KALRN: variants seen among roughly 807,000 people sequenced by gnomAD.
KALRN encodes the protein kalirin RhoGEF kinase.
A neutral mutation model predicts 353.7 loss-of-function variants in KALRN; 70 were observed. The ratio of observed to expected loss-of-function variants is 0.20; its 90% CI spans 0.16 to 0.24. The LOEUF is 0.24. KALRN is among the 10% of genes least tolerant of loss of function. KALRN has a pLI of 1.00. For synonymous variants in KALRN, 1,391 were observed against 1,434.8 expected (o/e 0.97, Z 0.69); for missense variants, 2,791 against 3,756.7 (o/e 0.74, Z 6.72).
At chr3:124,147,362 G>T (rs991248919) in intron 1 of KALRN, among the ~76,000 whole-genome samples, 6 of 152,090 alleles carry the variant, frequency 3.9e-5, no homozygotes, top group African/African-American at 1.4e-4. Context: ...TGCCTCCTAG[G>T]GAGAGACAGA....
intron 13 of KALRN, 97 bp from the exon 14 acceptor site, chr3:124,413,373 G>C: frequency 1.0e-6 from 1 of 957,312 alleles, no homozygotes; most frequent in South Asian, 1.7e-5. Context: ...TTAACTGAGG[G>C]GTGGATTCAT....
intron 1 of KALRN, among the ~76,000 whole-genome samples, chr3:124,187,976 A>C (rs2074427091): frequency 6.6e-6 from 1 of 152,190 alleles, no homozygotes; most frequent in Non-Finnish European, 1.5e-5. Flanking sequence ...CTGCAAATGG[A>C]ATCTCCTAGG....
chr3:124,430,542 C>T (rs934537300), intron 15 of KALRN, 114 bp from the exon 16 acceptor site: 10 of 1,287,714 alleles, frequency 7.8e-6, no homozygotes, highest in Non-Finnish European at 8.7e-6. Context: ...GTCCTCTCTC[C>T]AACAGAAGAT....
intron 34 of KALRN, among the ~76,000 whole-genome samples, chr3:124,622,930 A>AT (rs5852414): frequency 0.15 from 23,197 of 151,882 alleles, 4,202 homozygotes; most frequent in African/African-American, 0.41. Context: ...GGGGAGTAGC[A>AT]TTTTTTTTAG....
intron 31 of KALRN, chr3:124,491,651 G>A (rs994265397): frequency 1.4e-5 from 5 of 362,706 alleles, no homozygotes; most frequent in African/African-American, 8.4e-5. Flanking sequence ...GTGACCAAGA[G>A]GGAAGAAAGC....
chr3:124,679,438 T>C lies in KALRN; in HGVS notation c.7318-20T>C. The C allele has an allele frequency of 6.2e-7, 1 of 1,610,414 alleles. No individual in the cohort carries two copies. Among genetic ancestry groups the C allele is most frequent in the Non-Finnish European group, 8.5e-7 (1 of 1,176,888 alleles). On this transcript the variant is annotated intron_variant, in intron 50 of 59. Transcript: ENST00000682506. ...TAACTGTGTTCTCTTTCTTCCCCCT[T>C]CCTCATGCTGCCAATCAAGGAGACG...
intron 5 of KALRN, among the ~76,000 whole-genome samples, chr3:124,280,150 T>C (rs2149031814): frequency 6.6e-6 from 1 of 152,276 alleles, no homozygotes; most frequent in Non-Finnish European, 1.5e-5. Context: ...AATCCTAAAG[T>C]CTTTGATTCA....
chr3:124,613,087 C>CTATA (rs2078185621), intron 34 of KALRN, among the ~76,000 whole-genome samples: 1 of 152,106 alleles, frequency 6.6e-6, no homozygotes, highest in African/African-American at 2.4e-5. Context: ...GGGGTTTTAG[C>CTATA]TATAGTAAAG....
At chr3:124,549,422 C>T (rs2070185532) in intron 33 of KALRN, among the ~76,000 whole-genome samples, 1 of 151,852 alleles carries the variant, frequency 6.6e-6, no homozygotes, top group Non-Finnish European at 1.5e-5. Context: ...CACACACATA[C>T]ACGGGTCCTT....
Position 124,490,864 on chromosome 3 carries a change from G to A in KALRN, c.4567G>A (p.Val1523Ile). 1 of 1,612,634 alleles carries A rather than the reference G, an allele frequency of 6.2e-7. No homozygotes were observed. The highest frequency in any genetic ancestry group is 2.2e-5 in the East Asian group (1 of 44,836). The change falls in exon 30 of 60, where the codon GTT becomes ATT. Residue 1523 changes from valine (V) to isoleucine (I), a missense_variant. Coordinates refer to ENST00000682506, the MANE Select transcript of KALRN (RefSeq NM_001388419.1). ...AGATTCTTCAGGACACACGAAATAT[G>A]TTTACAAGAACAAGCTACTGGTAGG... ...IKDSSGHTKY[V>I]YKNKLLTSEL...
At chr3:124,599,556 T>C (rs1305625673) in intron 34 of KALRN, among the ~76,000 whole-genome samples, 5 of 152,198 alleles carry the variant, frequency 3.3e-5, no homozygotes, top group African/African-American at 1.2e-4. Context: ...GCGATAACTG[T>C]TATTCAGGGT....
chr3:124,337,457 G>T (rs539603043), intron 9 of KALRN, among the ~76,000 whole-genome samples: 1 of 152,160 alleles, frequency 6.6e-6, no homozygotes, highest in South Asian at 2.1e-4. Flanking sequence ...ATTGATTTGC[G>T]TATGTTGAAC....
intron 1 of KALRN, among the ~76,000 whole-genome samples, chr3:124,152,687 G>A (rs1234418095): frequency 2.0e-5 from 3 of 150,248 alleles, no homozygotes; most frequent in South Asian, 2.1e-4. Context: ...TCTGCTGCCC[G>A]GGTTCAAGCG....
chr3:124,368,094 A>G (rs1158900115), intron 10 of KALRN, among the ~76,000 whole-genome samples: 1 of 33,904 alleles, frequency 2.9e-5, no homozygotes, highest in Admixed American at 3.2e-4. Flanking sequence ...CGGGGGGCTG[A>G]CCCCCCCACC....
intron 3 of KALRN, among the ~76,000 whole-genome samples, chr3:124,253,455 C>T (rs1039316634): frequency 2.6e-5 from 4 of 152,194 alleles, no homozygotes; most frequent in East Asian, 3.8e-4. Flanking sequence ...CTATGGTGAA[C>T]GGTCTGCAGG....
intron 27 of KALRN, among the ~76,000 whole-genome samples, chr3:124,480,632 C>CTTCAGTCAA (rs1008978857): frequency 6.6e-6 from 1 of 152,114 alleles, no homozygotes; most frequent in African/African-American, 2.4e-5. Context: ...GCAACCATCC[C>CTTCAGTCAA]TTCAGTCAAT....
At chr3:124,365,166 CTTGTCAAT>C (rs2084513550) in intron 10 of KALRN, among the ~76,000 whole-genome samples, 1 of 152,124 alleles carries the variant, frequency 6.6e-6, no homozygotes, top group South Asian at 2.1e-4. Flanking sequence ...CAAGGAGAAA[CTTGTCAAT>C]TTTTGTTTTT....
intron 33 of KALRN, among the ~76,000 whole-genome samples, chr3:124,552,312 T>C (rs577809440): frequency 3.0e-4 from 46 of 152,332 alleles, no homozygotes; most frequent in African/African-American, 1.1e-3. Flanking sequence ...GTGCTCCGCA[T>C]GTGCCCTCTT....
At chr3:124,058,088 G>A (rs2041709904) in intron 1 of KALRN, among the ~76,000 whole-genome samples, 1 of 152,162 alleles carries the variant, frequency 6.6e-6, no homozygotes, top group South Asian at 2.1e-4. Flanking sequence ...CAGATCTCGT[G>A]AGACTCATTC....
Sources: gnomAD v4.1 joint callset for allele counts (sites outside exome capture counted in the v4.1 genomes callset) on GRCh38, gnomAD v4.1.1 for gene constraint, MANE v1.5 for transcripts, NCBI Gene and HGNC (gene_info 2026-07-23, HGNC 2026-07-21) for gene names.